MYOZ2: variants seen among roughly 807,000 people sequenced by gnomAD.
MYOZ2 encodes myozenin 2, also known as myozenin-2.
Under a neutral mutation model 25.4 loss-of-function variants are expected in MYOZ2, and 19 were observed. That is an observed-to-expected ratio of 0.75 (90% CI 0.52 to 1.10). The LOEUF is 1.10. Ranked by LOEUF, MYOZ2 falls within the 50% of genes least tolerant of loss-of-function variation. MYOZ2 has a pLI of 0.00. For missense variants in MYOZ2, 270 were observed against 317.9 expected (o/e 0.85, Z 1.15); for synonymous variants, 92 against 106.9 (o/e 0.86, Z 0.86).
At chr4:119,153,530 CTGATT>C (rs1464752191) in intron 3 of MYOZ2, among the ~76,000 whole-genome samples, 4 of 152,120 alleles carry the variant, frequency 2.6e-5, no homozygotes, top group African/African-American at 7.2e-5. Flanking sequence ...CCACATTAAT[CTGATT>C]TATTGACTAC....
intron 5 of MYOZ2, among the ~76,000 whole-genome samples, chr4:119,173,821 C>A (rs562466569): frequency 1.3e-5 from 2 of 152,190 alleles, no homozygotes; most frequent in Non-Finnish European, 2.9e-5. Flanking sequence ...CTGCGTGGGA[C>A]GCTTGCTGGC....
chr4:119,150,306 GAAATT>G (rs1309825990), intron 2 of MYOZ2, among the ~76,000 whole-genome samples: 1 of 152,138 alleles, frequency 6.6e-6, no homozygotes, highest in African/African-American at 2.4e-5. Flanking sequence ...TTTTAGGTAA[GAAATT>G]AATATAAATG....
intron 2 of MYOZ2, among the ~76,000 whole-genome samples, chr4:119,149,883 A>C (rs1420551420): frequency 6.6e-6 from 1 of 152,196 alleles, no homozygotes; most frequent in African/African-American, 2.4e-5. Context: ...AAATTTAACA[A>C]GTAATTCTGT....
At chr4:119,163,592 T>A (rs1741754525) in intron 4 of MYOZ2, among the ~76,000 whole-genome samples, 1 of 152,164 alleles carries the variant, frequency 6.6e-6, no homozygotes, top group African/African-American at 2.4e-5. Flanking sequence ...GCAGAAAAGC[T>A]AGGTAAGAAA....
At chr4:119,179,599 T>C (rs1343438913) in intron 5 of MYOZ2, among the ~76,000 whole-genome samples, 2 of 152,206 alleles carry the variant, frequency 1.3e-5, no homozygotes, top group African/African-American at 4.8e-5. Flanking sequence ...GCTGCAACTT[T>C]ATCTGTTTTA....
intron 2 of MYOZ2, among the ~76,000 whole-genome samples, chr4:119,141,374 T>C (rs1741154918): frequency 6.9e-6 from 1 of 144,504 alleles, no homozygotes; most frequent in East Asian, 1.9e-4. Flanking sequence ...CCATATTATT[T>C]TCTTTCTTTC....
chr4:119,143,202 CT>C (rs966649631), intron 2 of MYOZ2, among the ~76,000 whole-genome samples: 80 of 145,696 alleles, frequency 5.5e-4, no homozygotes, highest in Non-Finnish European at 4.3e-4. Context: ...TTTCTTTTTT[CT>C]TTTTTTTTTT....
At chr4:119,183,432 A>AG (rs368888345) in intron 5 of MYOZ2, among the ~76,000 whole-genome samples, 4 of 151,908 alleles carry the variant, frequency 2.6e-5, no homozygotes, top group African/African-American at 9.7e-5. Flanking sequence ...GAAAAAAAAA[A>AG]GAGTATGATT....
Position 119,158,109 on chromosome 4 carries a change from C to A in MYOZ2, c.334C>A (p.Pro112Thr). Residue 112 changes from proline to threonine, a missense_variant, in exon 4 of 6, where the codon CCA (proline) becomes ACA (threonine). Pro to Thr is a conservative substitution (Grantham distance 38). Coordinates refer to ENST00000307128, the MANE Select transcript of MYOZ2 (RefSeq NM_016599.5). ...AGCCCCCTTGACTCCTCCCAACACC[C>A]CAGATCCACGAAGCCCTCCAAATCC... is the stretch of plus-strand genomic sequence containing the variant. ...QQAPLTPPNT[P>T]DPRSPPNPDN... 7 of 1,614,034 alleles carry A rather than the reference C, an allele frequency of 4.3e-6. No individual in the cohort carries two copies. The highest frequency in any genetic ancestry group is 5.9e-6 in the Non-Finnish European group (7 of 1,179,978).
intron 3 of MYOZ2, among the ~76,000 whole-genome samples, chr4:119,154,362 T>C (rs1741522828): frequency 6.6e-6 from 1 of 152,172 alleles, no homozygotes; most frequent in South Asian, 2.1e-4. Context: ...TTTCCAACTT[T>C]TCTGAAAGGA....
intron 2 of MYOZ2, among the ~76,000 whole-genome samples, chr4:119,140,775 A>G (rs977634903): frequency 6.6e-6 from 1 of 152,200 alleles, no homozygotes; most frequent in Non-Finnish European, 1.5e-5. Flanking sequence ...GTATAATTCA[A>G]TACATTGGTA....
At position 119,187,602 on chromosome 4, in the gene MYOZ2, T is replaced by C. The variant is rs1273790653; in HGVS notation, c.*1402T>C. The C allele has an allele frequency of 1.3e-5, 2 of 152,036 alleles. No individual in the cohort carries two copies. The highest frequency in any genetic ancestry group is 2.4e-5 in the African/African-American group (1 of 41,430). 9.4% of individuals were successfully genotyped at this position (152,036 alleles called of 1,614,324 possible). ...CAAAGTATTATATTTATATATATTA[T>C]TGTAGAGAATTTGTATATTTTTAAA... On this transcript the variant is annotated 3_prime_UTR_variant, in exon 6 of 6. Coordinates refer to ENST00000307128, the MANE Select transcript of MYOZ2 (RefSeq NM_016599.5).
At chr4:119,145,383 C>A in intron 2 of MYOZ2, among the ~76,000 whole-genome samples, 1 of 123,212 alleles carries the variant, frequency 8.1e-6, no homozygotes, top group African/African-American at 3.3e-5. Context: ...CTCACTCTGT[C>A]TCCCATGTTG....
chr4:119,155,858 A>G (rs938275697), intron 3 of MYOZ2, among the ~76,000 whole-genome samples: 1 of 152,176 alleles, frequency 6.6e-6, no homozygotes, highest in African/African-American at 2.4e-5. Flanking sequence ...TAACAGGAGC[A>G]TGAAGACTAA....
At chr4:119,170,525 G>A (rs1210631341) in intron 5 of MYOZ2, among the ~76,000 whole-genome samples, 2 of 151,922 alleles carry the variant, frequency 1.3e-5, no homozygotes, top group Non-Finnish European at 2.9e-5. Flanking sequence ...CTGTACTTGT[G>A]TTATATTAAA....
chr4:119,168,218 C>T (rs1037789061), intron 5 of MYOZ2, among the ~76,000 whole-genome samples: 20 of 152,186 alleles, frequency 1.3e-4, no homozygotes, highest in African/African-American at 3.1e-4. Flanking sequence ...GTGATCTGCC[C>T]GCCTCGGTCT....
intron 2 of MYOZ2, among the ~76,000 whole-genome samples, chr4:119,138,750 AT>A (rs1561099233): frequency 6.6e-6 from 1 of 152,090 alleles, no homozygotes; most frequent in Non-Finnish European, 1.5e-5. Flanking sequence ...AACTCATTTA[AT>A]TTTTATTACT....
intron 4 of MYOZ2, among the ~76,000 whole-genome samples, chr4:119,161,475 T>C (rs548061998): frequency 5.3e-5 from 8 of 152,154 alleles, no homozygotes; most frequent in African/African-American, 1.7e-4. Flanking sequence ...CATAATACTG[T>C]AAAAATAAAA....
At chr4:119,155,525 G>C (rs540441527) in intron 3 of MYOZ2, among the ~76,000 whole-genome samples, 1 of 152,294 alleles carries the variant, frequency 6.6e-6, no homozygotes, top group East Asian at 1.9e-4. Flanking sequence ...GGAAACCTAG[G>C]ATTTGGTTTA....
Sources: allele counts gnomAD v4.1 joint callset (sites outside exome capture counted in the v4.1 genomes callset), GRCh38; gene constraint gnomAD v4.1.1; transcripts MANE v1.5; gene names NCBI Gene and HGNC (gene_info 2026-07-23, HGNC 2026-07-21).